SH3GL3: variants seen among roughly 807,000 people sequenced by gnomAD.
The protein encoded by SH3GL3 is endophilin-A3.
In SH3GL3, 33 loss-of-function variants were observed where a neutral mutation model predicts 47.7. The observed-to-expected ratio is 0.69, with a 90% CI of 0.52 to 0.92. The LOEUF (loss-of-function observed/expected upper bound fraction) is 0.92. SH3GL3 is among the 40% of genes least tolerant of loss of function. The pLI is 0.00. For synonymous variants in SH3GL3, 155 were observed against 148.8 expected, an observed-to-expected ratio of 1.04 and a Z score of -0.30; for missense variants, 363 against 417.8, an observed-to-expected ratio of 0.87 and a Z score of 1.14.
In SH3GL3 at chr15:83,456,412, T is replaced by A. The variant is rs554827631; in HGVS notation, c.45+8834T>A. ...GGCGGGCCCCCCTCCCCCAGCCTCG[T>A]TGCCACCTTGCAGTTTGATCTCAGA... On this transcript the variant is annotated intron_variant, in intron 1 of 8. Coordinates refer to ENST00000427482, the MANE Select transcript of SH3GL3 (RefSeq NM_003027.5). Among the ~76,000 whole-genome samples, 509 of 56,046 alleles carry A rather than the reference T, an allele frequency of 9.1e-3. 22 individuals are homozygous for A. The highest frequency in any genetic ancestry group is 0.028 in the African/African-American group (486 of 17,380). 36.8% of individuals were successfully genotyped at this position (56,046 alleles called of 152,430 possible). A position where few individuals can be genotyped will look rare whatever the true frequency, so the allele number is the denominator to read the frequency against.
intron 6 of SH3GL3, 60 bp from the exon 7 acceptor site, chr15:83,586,919 CCTCT>C (rs1211807859): frequency 1.2e-6 from 1 of 804,108 alleles, no homozygotes; most frequent in Non-Finnish European, 2.0e-6. Flanking sequence ...CTGCTGGTCT[CCTCT>C]CTCTCTGGAC....
chr15:83,620,122 A>G (rs1394892414), downstream of SH3GL3, among the ~76,000 whole-genome samples: 1 of 152,198 alleles, frequency 6.6e-6, no homozygotes, highest in Non-Finnish European at 1.5e-5. Flanking sequence ...TCACATCTTC[A>G]GTCTCCACTT....
At chr15:83,471,921 T>G (rs2040847112) in intron 1 of SH3GL3, among the ~76,000 whole-genome samples, 1 of 152,186 alleles carries the variant, frequency 6.6e-6, no homozygotes, top group Non-Finnish European at 1.5e-5. Flanking sequence ...CTCGCTCTTG[T>G]CACTCAGGCT....
At chr15:83,501,655 G>A (rs2042300087) in intron 1 of SH3GL3, among the ~76,000 whole-genome samples, 1 of 152,150 alleles carries the variant, frequency 6.6e-6, no homozygotes, top group South Asian at 2.1e-4. Context: ...ACTTTGGGAG[G>A]CCTAGGCAGG....
intron 6 of SH3GL3, among the ~76,000 whole-genome samples, chr15:83,581,348 G>A (rs776891594): frequency 5.3e-5 from 8 of 152,334 alleles, no homozygotes; most frequent in Non-Finnish European, 1.2e-4. Context: ...GGAGCCACAT[G>A]AGATCACATG....
chr15:83,570,108 C>T (rs1050178425), intron 4 of SH3GL3, among the ~76,000 whole-genome samples: 11 of 152,086 alleles, frequency 7.2e-5, no homozygotes, highest in African/African-American at 2.2e-4. Flanking sequence ...ATGATATAAA[C>T]GTTTATTTAT....
rs143408861 is a variant in SH3GL3, at chr15:83,580,717, A to G, written c.624+3976A>G. Among the ~76,000 whole-genome samples, 36 of 152,310 alleles carry G rather than the reference A, an allele frequency of 2.4e-4. No homozygotes were observed. The East Asian group carries it at 6.6e-3, about 28-fold the overall frequency. On this transcript the variant is annotated intron_variant, in intron 6 of 8. Transcript: ENST00000427482. ...CCCCTCCTTGCACCTTCGGTGGATG[A>G]CAGCCAGCTCTAGGGGAGAGCCCGC...
At chr15:83,459,819 G>A (rs1284224823) in intron 1 of SH3GL3, among the ~76,000 whole-genome samples, 5 of 152,088 alleles carry the variant, frequency 3.3e-5, no homozygotes, top group Non-Finnish European at 7.4e-5. Context: ...CATACAATTT[G>A]CAGGTCATGC....
intron 1 of SH3GL3, among the ~76,000 whole-genome samples, chr15:83,513,788 T>C (rs2042871497): frequency 6.6e-6 from 1 of 152,218 alleles, no homozygotes; most frequent in Non-Finnish European, 1.5e-5. Context: ...AAGAGCAACC[T>C]GAGCAGAAAA....
chr15:83,575,920 T>C (rs973238643), intron 5 of SH3GL3, among the ~76,000 whole-genome samples: 5 of 152,066 alleles, frequency 3.3e-5, no homozygotes, highest in African/African-American at 1.2e-4. Flanking sequence ...GGACACAAAC[T>C]GTGATGGGAA....
At chr15:83,592,949 A>G (rs1596322026) in intron 8 of SH3GL3, among the ~76,000 whole-genome samples, 1 of 151,800 alleles carries the variant, frequency 6.6e-6, no homozygotes, top group Middle Eastern at 3.4e-3. Context: ...AAAAAAAAAC[A>G]GTTCTGGGGC....
At chr15:83,537,568 C>T (rs376010589) in intron 1 of SH3GL3, among the ~76,000 whole-genome samples, 5 of 152,030 alleles carry the variant, frequency 3.3e-5, no homozygotes, top group Admixed American at 1.3e-4. Context: ...ATAGAGATGG[C>T]GTGTGGGGAT....
chr15:83,565,215 G>C lies in SH3GL3; in HGVS notation c.187+9G>C, dbSNP rs2045477555. On this transcript the variant is annotated intron_variant, in intron 3 of 8. Transcript: ENST00000427482. ...TCTTCAGCCAAATCCAGGTAAAGTT[G>C]AAATATTCTCTTGTTCATTTGCTGT... The C allele has an allele frequency of 6.7e-7, 1 of 1,492,868 alleles. No individual in the cohort carries two copies. 92.5% of individuals were successfully genotyped at this position (1,492,868 alleles called of 1,614,324 possible). A position where few individuals can be genotyped will look rare whatever the true frequency, so the allele number is the denominator to read the frequency against.
the SH3GL3 span, among the ~76,000 whole-genome samples, chr15:83,628,529 G>A: frequency 6.6e-6 from 1 of 152,086 alleles, no homozygotes; most frequent in African/African-American, 2.4e-5. Context: ...GATCACATGA[G>A]GTCAGGAGTC....
intron 1 of SH3GL3, among the ~76,000 whole-genome samples, chr15:83,523,020 A>C (rs1189293142): frequency 6.6e-6 from 1 of 152,242 alleles, no homozygotes; most frequent in Non-Finnish European, 1.5e-5. Context: ...CCAGTTTCTA[A>C]AGTAAATTTA....
At chr15:83,615,932 G>C (rs927667885) in intron 8 of SH3GL3, among the ~76,000 whole-genome samples, 4 of 152,108 alleles carry the variant, frequency 2.6e-5, no homozygotes, top group African/African-American at 9.7e-5. Context: ...TCTTTATATA[G>C]GACTGTGGAG....
chr15:83,469,887 C>T (rs2040751106), intron 1 of SH3GL3, among the ~76,000 whole-genome samples: 1 of 152,112 alleles, frequency 6.6e-6, no homozygotes, highest in South Asian at 2.1e-4. Context: ...GATTTTCTGT[C>T]TAGTTCTATT....
the SH3GL3 span, among the ~76,000 whole-genome samples, chr15:83,628,485 G>T: frequency 1.3e-5 from 2 of 152,220 alleles, no homozygotes; most frequent in Non-Finnish European, 2.9e-5. Flanking sequence ...GCTCACACCT[G>T]TAATCCCAGC....
intron 1 of SH3GL3, among the ~76,000 whole-genome samples, chr15:83,498,981 T>C (rs977406388): frequency 6.6e-6 from 1 of 152,190 alleles, no homozygotes; most frequent in African/African-American, 2.4e-5. Flanking sequence ...CCTCCTTCTA[T>C]TGTCCTCCTG....
Sources: allele counts gnomAD v4.1 joint callset (sites outside exome capture counted in the v4.1 genomes callset), GRCh38; gene constraint gnomAD v4.1.1; transcripts MANE v1.5; gene names NCBI Gene and HGNC (gene_info 2026-07-23, HGNC 2026-07-21).